The following STK33 variants were observed in gnomAD, a reference collection of about 807,000 sequenced individuals.
STK33 encodes serine/threonine kinase 33, also known as serine/threonine-protein kinase 33.
A neutral mutation model predicts 58.0 loss-of-function variants in STK33; 52 were observed. The ratio of observed to expected loss-of-function variants is 0.90; its 90% CI spans 0.72 to 1.13. The LOEUF (loss-of-function observed/expected upper bound fraction) is 1.13, where lower values mean the gene tolerates loss of function less well. STK33 is among the 50% of genes most tolerant of loss of function. The pLI is 0.00. For missense variants in STK33, 630 were observed against 604.2 expected (o/e 1.04, Z -0.45); for synonymous variants, 215 against 200.1 (o/e 1.07, Z -0.63).
intron 14 of STK33, among the ~76,000 whole-genome samples, chr11:8,432,539 T>G (rs1943546156): frequency 6.6e-6 from 1 of 152,198 alleles, no homozygotes; most frequent in African/African-American, 2.4e-5. Flanking sequence ...TTCCCTTAAA[T>G]GTACAAGAGA....
At chr11:8,426,538 T>A (rs971097302) in intron 14 of STK33, among the ~76,000 whole-genome samples, 1 of 152,206 alleles carries the variant, frequency 6.6e-6, no homozygotes. Context: ...TCTACCTACC[T>A]TGGCCTCCCA....
rs773449812 is a variant in STK33 at position 8,436,107 on chromosome 11, G to C, written c.980C>G (p.Ser327Ter). The change falls in exon 13 of 16, where the codon TCA (serine) becomes TGA (stop). Residue 327 changes from serine to a stop codon, truncating the protein, a stop_gained. Coordinates refer to ENST00000687296, the MANE Select transcript of STK33 (RefSeq NM_001352389.2). LOFTEE classifies it high-confidence loss of function. ...LRGEPPFLAS[S>*]EEKLFELIRK... Reference sequence around the variant, plus strand: ...TATTAACTCAAAAAGCTTCTCTTCTGAGCTTGCCAAAAAGGGTGGTTCTCC... The same window carrying C: ...TATTAACTCAAAAAGCTTCTCTTCTCAGCTTGCCAAAAAGGGTGGTTCTCC... 6.3e-7 allele frequency: 1 copy of C among 1,586,336 alleles called. No individual in the cohort carries two copies. The highest frequency in any genetic ancestry group is 1.2e-5 in the South Asian group (1 of 84,012).
the STK33 span, among the ~76,000 whole-genome samples, chr11:8,335,559 T>C: frequency 6.6e-6 from 1 of 152,206 alleles, no homozygotes; most frequent in African/African-American, 2.4e-5. Context: ...AGCACCTTCA[T>C]GTCCACTCTC....
intron 1 of STK33, among the ~76,000 whole-genome samples, chr11:8,513,291 T>C (rs3919745): frequency 6.6e-6 from 1 of 152,162 alleles, no homozygotes; most frequent in African/African-American, 2.4e-5. Flanking sequence ...CTCATCACAA[T>C]ACTGCTAATT....
intron 1 of STK33, among the ~76,000 whole-genome samples, chr11:8,553,515 T>C (rs1956515373): frequency 6.6e-6 from 1 of 151,904 alleles, no homozygotes. Context: ...ACGTGATCCA[T>C]CACTGACCAA....
intron 1 of STK33, among the ~76,000 whole-genome samples, chr11:8,500,869 G>A (rs1326364993): frequency 1.3e-5 from 2 of 152,106 alleles, no homozygotes; most frequent in South Asian, 2.1e-4. Flanking sequence ...GTCCAGAAAT[G>A]AGACTATATA....
chr11:8,370,994 G>A, the STK33 span, among the ~76,000 whole-genome samples: 4 of 152,130 alleles, frequency 2.6e-5, no homozygotes, highest in Non-Finnish European at 4.4e-5. Context: ...GCCCTGGACC[G>A]AAGCTGAGGA....
At chr11:8,362,044 G>A in the STK33 span, among the ~76,000 whole-genome samples, 1 of 152,172 alleles carries the variant, frequency 6.6e-6, no homozygotes, top group Non-Finnish European at 1.5e-5. Flanking sequence ...GCCTCCATGG[G>A]GCCTAGGAGC....
At chr11:8,559,821 A>G (rs890951522) in intron 1 of STK33, among the ~76,000 whole-genome samples, 1 of 152,154 alleles carries the variant, frequency 6.6e-6, no homozygotes, top group Non-Finnish European at 1.5e-5. Flanking sequence ...TCTGTGTAAC[A>G]TTCTAGAAAT....
chr11:8,586,821 CT>C (rs1437210902), intron 1 of STK33, among the ~76,000 whole-genome samples: 1 of 34,234 alleles, frequency 2.9e-5, no homozygotes, highest in Non-Finnish European at 5.0e-5. Flanking sequence ...AAGACTCTGT[CT>C]AAAAAAAAAA....
intron 15 of STK33, among the ~76,000 whole-genome samples, chr11:8,410,470 C>CTTTTTTTTTTTTTT (rs11382344): frequency 7.4e-5 from 9 of 121,848 alleles, no homozygotes; most frequent in Non-Finnish European, 1.2e-4. Context: ...CTTTTCTTTT[C>CTTTTTTTTTTTTTT]TTTTTTTTTT....
chr11:8,570,042 T>A (rs1957700306), intron 1 of STK33, among the ~76,000 whole-genome samples: 1 of 152,080 alleles, frequency 6.6e-6, no homozygotes, highest in Non-Finnish European at 1.5e-5. Flanking sequence ...AAAAAAAACT[T>A]GTATCCAAAA....
chr11:8,587,017 G>A (rs773941346), intron 1 of STK33, among the ~76,000 whole-genome samples: 1 of 152,140 alleles, frequency 6.6e-6, no homozygotes, highest in Non-Finnish European at 1.5e-5. Flanking sequence ...ATGCCAGGCT[G>A]TGTGTCATGT....
At chr11:8,503,160 T>G (rs568860839) in intron 1 of STK33, among the ~76,000 whole-genome samples, 1 of 152,258 alleles carries the variant, frequency 6.6e-6, no homozygotes, top group African/African-American at 2.4e-5. Context: ...AAGACACATG[T>G]ATGCATATGT....
chr11:8,501,579 A>C (rs1951518524), intron 1 of STK33, among the ~76,000 whole-genome samples: 1 of 152,098 alleles, frequency 6.6e-6, no homozygotes, highest in African/African-American at 2.4e-5. Context: ...AGAAACTAGA[A>C]CCTCCATATA....
chr11:8,344,368 C>T, the STK33 span, among the ~76,000 whole-genome samples: 15 of 152,262 alleles, frequency 9.9e-5, no homozygotes, highest in East Asian at 2.9e-3. Flanking sequence ...GGTGACAGAG[C>T]GTGAGCCTGT....
chr11:8,461,429 A>G (rs1022319933), intron 8 of STK33, among the ~76,000 whole-genome samples: 23 of 152,232 alleles, frequency 1.5e-4, no homozygotes, highest in African/African-American at 4.1e-4. Flanking sequence ...CAATTTGATT[A>G]TGTAGTTAAC....
intron 14 of STK33, among the ~76,000 whole-genome samples, chr11:8,418,940 G>A (rs1012238704): frequency 2.0e-5 from 3 of 151,884 alleles, no homozygotes; most frequent in Non-Finnish European, 4.4e-5. Flanking sequence ...TTTTAATGAG[G>A]TTGTTTTTTT....
intron 1 of STK33, among the ~76,000 whole-genome samples, chr11:8,593,579 T>C (rs2032953764): frequency 6.6e-6 from 1 of 152,194 alleles, no homozygotes; most frequent in Admixed American, 6.5e-5. Flanking sequence ...GGCTGCTTTA[T>C]GTCATCCTTT....
Sources: gnomAD v4.1 joint callset for allele counts (sites outside exome capture counted in the v4.1 genomes callset) on GRCh38, gnomAD v4.1.1 for gene constraint, MANE v1.5 for transcripts, NCBI Gene and HGNC (gene_info 2026-07-23, HGNC 2026-07-21) for gene names.